The following PAK5 variants were observed in gnomAD, a reference collection of about 807,000 sequenced individuals.
The protein encoded by PAK5 is p21 (RAC1) activated kinase 5, also known as serine/threonine-protein kinase PAK 5.
Under a neutral mutation model 65.9 loss-of-function variants are expected in PAK5, and 16 were observed. The ratio of observed to expected loss-of-function variants is 0.24; its 90% confidence interval spans 0.16 to 0.37. The LOEUF (loss-of-function observed/expected upper bound fraction) is 0.37, where lower values mean the gene tolerates loss of function less well. PAK5 is among the 10% of genes least tolerant of loss of function. The pLI is 1.00. For missense variants in PAK5, 785 were observed against 903.9 expected (o/e 0.87, Z 1.69); for synonymous variants, 371 against 354.9 (o/e 1.05, Z -0.51).
chr20:9,828,886 T>C (rs1377448737), intron 1 of PAK5, among the ~76,000 whole-genome samples: 4 of 152,128 alleles, frequency 2.6e-5, no homozygotes, highest in Non-Finnish European at 5.9e-5. Flanking sequence ...CCTTCCCCCA[T>C]TATGTAAGTT....
chr20:9,751,472 C>G (rs1665595881), intron 1 of PAK5, among the ~76,000 whole-genome samples: 1 of 152,110 alleles, frequency 6.6e-6, no homozygotes, highest in African/African-American at 2.4e-5. Flanking sequence ...ACCTGATACC[C>G]ATTTTTCATG....
intron 1 of PAK5, among the ~76,000 whole-genome samples, chr20:9,757,982 T>C (rs1266205720): frequency 6.6e-6 from 1 of 152,154 alleles, no homozygotes; most frequent in African/African-American, 2.4e-5. Flanking sequence ...TAAATATGGA[T>C]GTTTGTTGCT....
intron 3 of PAK5, among the ~76,000 whole-genome samples, chr20:9,590,277 G>T (rs949848257): frequency 6.6e-6 from 1 of 152,154 alleles, no homozygotes; most frequent in African/African-American, 2.4e-5. Context: ...GCCAAGAATT[G>T]TTTTTAATGT....
At chr20:9,640,759 G>A (rs1453803911) in intron 3 of PAK5, among the ~76,000 whole-genome samples, 3 of 152,004 alleles carry the variant, frequency 2.0e-5, no homozygotes, top group Admixed American at 6.5e-5. Flanking sequence ...AGACCTTCAC[G>A]GTGAGTGTTA....
intron 3 of PAK5, among the ~76,000 whole-genome samples, chr20:9,595,809 CTTG>C (rs1318437767): frequency 2.0e-5 from 3 of 152,112 alleles, no homozygotes; most frequent in African/African-American, 7.2e-5. Flanking sequence ...AGTTAGAAAG[CTTG>C]GCTTTCCTAG....
intron 2 of PAK5, among the ~76,000 whole-genome samples, chr20:9,665,023 C>A (rs751888398): frequency 2.0e-5 from 3 of 151,206 alleles, no homozygotes; most frequent in Non-Finnish European, 4.4e-5. Context: ...GATCCTCCCA[C>A]CTCAGCCTCC....
Position 9,703,201 on chromosome 20 carries a change from G to A in PAK5, c.-12+8085C>T, listed in dbSNP as rs149774068. 1.1e-4 allele frequency among the ~76,000 whole-genome samples: 16 copies of A among 152,224 alleles called. No homozygotes were observed. The East Asian group carries it at 2.9e-3, about 28-fold the overall frequency. ...TGAAGAACCACCCCAGAAAACTATCGGGATCAGCTCCAAGTGTCCTTGACA... is the reference window on the plus strand; with the variant it reads ...TGAAGAACCACCCCAGAAAACTATCAGGATCAGCTCCAAGTGTCCTTGACA... On this transcript the variant is annotated intron_variant, in intron 2 of 9. Transcript: ENST00000353224.
At position 9,802,910 on chromosome 20, in the gene PAK5, G is replaced by GTGTGTATA. The variant is rs142279832; in HGVS notation, c.-162+35851_-162+35852insTATACACA. ...CTTCTGTACTATTGTATATGTATGT[G>GTGTGTATA]TATATATATATATATATATATATGA... On this transcript the variant is annotated intron_variant, in intron 1 of 9. Transcript: ENST00000353224. 1.8e-3 allele frequency among the ~76,000 whole-genome samples: 85 copies of GTGTGTATA among 46,378 alleles called. 2 individuals carry two copies. The highest frequency in any genetic ancestry group is 4.3e-3 in the East Asian group (5 of 1,152). 30.4% of individuals were successfully genotyped at this position (46,378 alleles called of 152,430 possible). A position where few individuals can be genotyped will look rare whatever the true frequency, so the allele number is the denominator to read the frequency against.
rs943855736 is a variant in PAK5, at chr20:9,586,875, A to C, written c.205-5945T>G. 4.6e-5 allele frequency among the ~76,000 whole-genome samples: 7 copies of C among 152,220 alleles called. No individual in the cohort carries two copies. In the East Asian group the frequency reaches 1.3e-3, roughly 29 times the overall value. ...GAAATGACAAAGACTGCCAATTGAT[A>C]AGAAACATTGTTTAAAAATGTAGTA... is the stretch of plus-strand genomic sequence containing the variant. On this transcript the variant is annotated intron_variant, in intron 3 of 9. Coordinates refer to ENST00000353224, the MANE Select transcript of PAK5 (RefSeq NM_177990.4).
chr20:9,770,809 A>G (rs1345207922), intron 1 of PAK5, among the ~76,000 whole-genome samples: 1 of 152,156 alleles, frequency 6.6e-6, no homozygotes, highest in Admixed American at 6.5e-5. Flanking sequence ...GCCCTAAAGG[A>G]AATATGAGCC....
chr20:9,823,312 A>C (rs1375684588), intron 1 of PAK5, among the ~76,000 whole-genome samples: 1 of 152,154 alleles, frequency 6.6e-6, no homozygotes, highest in Non-Finnish European at 1.5e-5. Flanking sequence ...TTATTTAAAA[A>C]CTACCCAGTC....
chr20:9,830,335 C>T lies in PAK5; in HGVS notation c.-162+8427G>A, dbSNP rs117286073. Among the ~76,000 whole-genome samples, 923 of 152,288 alleles carry T rather than the reference C, an allele frequency of 6.1e-3. 5 individuals are homozygous for T. The highest frequency in any genetic ancestry group is 0.024 in the Middle Eastern group (7 of 294). Reference sequence around the variant, plus strand: ...AAGCAACAACATGATTGTTAAGTTACCTGGACAGCCACAGACATTTCCTAT... The same window carrying T: ...AAGCAACAACATGATTGTTAAGTTATCTGGACAGCCACAGACATTTCCTAT... On this transcript the variant is annotated intron_variant, in intron 1 of 9. Coordinates refer to ENST00000353224, the MANE Select transcript of PAK5 (RefSeq NM_177990.4).
intron 1 of PAK5, among the ~76,000 whole-genome samples, chr20:9,765,667 G>A (rs2048749025): frequency 1.3e-5 from 2 of 151,980 alleles, no homozygotes; most frequent in African/African-American, 4.8e-5. Flanking sequence ...CCCTCTCCCT[G>A]CTTCTCCCTG....
intron 3 of PAK5, among the ~76,000 whole-genome samples, chr20:9,599,234 A>T (rs1334780251): frequency 6.6e-6 from 1 of 152,162 alleles, no homozygotes; most frequent in Non-Finnish European, 1.5e-5. Context: ...TATCTACCAC[A>T]TTTTGTTTAT....
chr20:9,652,191 GGTGACT>G (rs1435094600), intron 2 of PAK5, among the ~76,000 whole-genome samples: 2 of 152,124 alleles, frequency 1.3e-5, no homozygotes, highest in African/African-American at 4.8e-5. Flanking sequence ...ACGGGAGAAA[GGTGACT>G]GTTTCAGAAA....
At chr20:9,595,080 T>TATATATATACACATATAC (rs1568987088) in intron 3 of PAK5, among the ~76,000 whole-genome samples, 1 of 151,068 alleles carries the variant, frequency 6.6e-6, no homozygotes. Context: ...CACATATACA[T>TATATATATACACATATAC]ATATATATAC....
chr20:9,638,357 C>T (rs1398879235), intron 3 of PAK5, among the ~76,000 whole-genome samples: 1 of 152,234 alleles, frequency 6.6e-6, no homozygotes, highest in Non-Finnish European at 1.5e-5. Flanking sequence ...CCCTACATGG[C>T]CTACATGGCT....
intron 1 of PAK5, among the ~76,000 whole-genome samples, chr20:9,817,225 A>G (rs1397536213): frequency 6.6e-6 from 1 of 152,218 alleles, no homozygotes; most frequent in East Asian, 1.9e-4. Flanking sequence ...CAAAACTACA[A>G]TTTCAAGCTC....
chr20:9,744,139 T>C (rs1333836714), intron 1 of PAK5, among the ~76,000 whole-genome samples: 4 of 152,198 alleles, frequency 2.6e-5, no homozygotes, highest in African/African-American at 4.8e-5. Flanking sequence ...AGTGGGTCCC[T>C]GTAGATACCT....
Sources: gnomAD v4.1 joint callset for allele counts (sites outside exome capture counted in the v4.1 genomes callset) on GRCh38, gnomAD v4.1.1 for gene constraint, MANE v1.5 for transcripts, NCBI Gene and HGNC (gene_info 2026-07-23, HGNC 2026-07-21) for gene names.